E2F6: variants seen among roughly 807,000 people sequenced by gnomAD.
E2F6 encodes E2F transcription factor 6.
E2F6 carries 19 observed loss-of-function variants against 31.5 expected under a neutral mutation model. That is an observed-to-expected ratio of 0.60 (90% CI 0.42 to 0.89). The LOEUF is 0.89. Ranked by LOEUF, E2F6 falls within the 40% of genes least tolerant of loss-of-function variation. The pLI is 0.00. For synonymous variants in E2F6, 121 were observed against 127.7 expected (o/e 0.95, Z 0.36); for missense variants, 269 against 341.6 (o/e 0.79, Z 1.67).
chr2:11,457,287 C>T, intron 1 of E2F6, 54 bp from the exon 2 acceptor site: 1 of 1,100,494 alleles, frequency 9.1e-7, no homozygotes, highest in Admixed American at 1.8e-5. Flanking sequence ...ACAATGCAAA[C>T]AAATAGCATT....
At chr2:11,451,133 G>T (rs768897803) in intron 4 of E2F6, 1 of 152,132 alleles carries the variant, frequency 6.6e-6, no homozygotes, top group Non-Finnish European at 1.5e-5. Flanking sequence ...GGAAAAACAT[G>T]AACTTCACAA....
chr2:11,457,736 GATCT>G (rs1237984389), intron 1 of E2F6, among the ~76,000 whole-genome samples: 1 of 152,188 alleles, frequency 6.6e-6, no homozygotes, highest in Non-Finnish European at 1.5e-5. Flanking sequence ...AGAGATAGAA[GATCT>G]ATCTCAACCA....
At chr2:11,463,929 AC>A (rs1330638299) in intron 1 of E2F6, among the ~76,000 whole-genome samples, 1 of 123,586 alleles carries the variant, frequency 8.1e-6, no homozygotes, top group Admixed American at 1.0e-4. Context: ...AGCCAGGGTG[AC>A]AGAGTGAGAT....
rs1219923036 is a variant in E2F6, at chr2:11,445,318, C to T, written c.*1159G>A. 1 of 152,604 alleles carries T rather than the reference C, an allele frequency of 6.6e-6. No homozygotes were observed. The highest frequency in any genetic ancestry group is 1.5e-5 in the Non-Finnish European group (1 of 68,050). 9.5% of individuals were successfully genotyped at this position (152,604 alleles called of 1,614,324 possible). On this transcript the variant is annotated 3_prime_UTR_variant, in exon 7 of 7. Transcript: ENST00000381525. ...CTTATTTGTTCAGACATTTATTGAG[C>T]ACTTCTTAAGGGCCAGGCATGGTGT...
At chr2:11,446,604 A>T (rs1054503122) in intron 6 of E2F6, 81 bp from the exon 7 acceptor site, 7 of 1,165,584 alleles carry the variant, frequency 6.0e-6, no homozygotes, top group African/African-American at 1.5e-5. Context: ...GTAAAAGAAT[A>T]CACAATCTGA....
chr2:11,446,111 A>T lies in E2F6; in HGVS notation c.*366T>A, dbSNP rs1160063796. ...TGCAAACATGAACCAGTGTAAGGCAATTTCTTTTGTGATATATGACATACT... is the reference window on the plus strand; with the variant it reads ...TGCAAACATGAACCAGTGTAAGGCATTTTCTTTTGTGATATATGACATACT... On this transcript the variant is annotated 3_prime_UTR_variant, in exon 7 of 7. Transcript: ENST00000381525. 1 of 230,726 alleles carries T rather than the reference A, an allele frequency of 4.3e-6. No homozygotes were observed. Among genetic ancestry groups the T allele is most frequent in the Non-Finnish European group, 8.5e-6 (1 of 117,902 alleles). The allele number at this position is 230,726 out of a possible 1,614,324, so 14.3% of individuals were successfully genotyped here. A position where few individuals can be genotyped will look rare whatever the true frequency, so the allele number is the denominator to read the frequency against.
intron 1 of E2F6, among the ~76,000 whole-genome samples, chr2:11,458,925 C>A (rs1185005886): frequency 6.6e-6 from 1 of 152,150 alleles, no homozygotes; most frequent in Non-Finnish European, 1.5e-5. Context: ...CTCTCTCAAA[C>A]AGTGCTGACA....
intron 2 of E2F6, among the ~76,000 whole-genome samples, chr2:11,454,142 C>A (rs1558456218): frequency 2.0e-5 from 3 of 152,194 alleles, no homozygotes; most frequent in African/African-American, 7.2e-5. Flanking sequence ...TAGAATTACA[C>A]ATGATTTTTA....
intron 3 of E2F6, 28 bp from the exon 4 acceptor site, chr2:11,451,834 A>C (rs1671088744): frequency 6.3e-7 from 1 of 1,592,546 alleles, no homozygotes; most frequent in South Asian, 1.1e-5. Context: ...TGTCAGCATC[A>C]ATACCAACTA....
In E2F6 at chr2:11,444,465, A is replaced by G. The variant is rs1048379603; in HGVS notation, c.*2012T>C. The G allele has an allele frequency of 6.6e-6, 1 of 152,216 alleles. No homozygotes were observed. The highest frequency in any genetic ancestry group is 2.4e-5 in the African/African-American group (1 of 41,444). 9.4% of individuals were successfully genotyped at this position (152,216 alleles called of 1,614,324 possible). A position where few individuals can be genotyped will look rare whatever the true frequency, so the allele number is the denominator to read the frequency against. ...CATGATCTCATTTTACCTTCAGAACAATTTGTAAAGGAGAACATTTGCCAC... is the reference window on the plus strand; with the variant it reads ...CATGATCTCATTTTACCTTCAGAACGATTTGTAAAGGAGAACATTTGCCAC... On this transcript the variant is annotated 3_prime_UTR_variant, in exon 7 of 7. Transcript: ENST00000381525.
chr2:11,451,669 T>C lies in E2F6; in HGVS notation c.518A>G (p.Asp173Gly). The C allele has an allele frequency of 6.2e-7, 1 of 1,610,572 alleles. No individual in the cohort carries two copies. The highest frequency in any genetic ancestry group is 8.5e-7 in the Non-Finnish European group (1 of 1,178,386). The change falls in exon 4 of 7, where the codon GAT becomes GGT. Residue 173 changes from aspartate to glycine, a missense_variant. Transcript: ENST00000381525. ...DCAQQLFELT[D>G]DKENERLAYV... is the part of the protein sequence containing the mutation. Reference sequence around the variant, plus strand: ...AGGATATCTTTCATTTTCTTTGTCATCTGTTAACTCAAACAGCTGCTGAGC... The same window carrying C: ...AGGATATCTTTCATTTTCTTTGTCACCTGTTAACTCAAACAGCTGCTGAGC...
At chr2:11,446,626 A>C in intron 6 of E2F6, 103 bp from the exon 7 acceptor site, 5 of 935,260 alleles carry the variant, frequency 5.3e-6, no homozygotes, top group Non-Finnish European at 8.4e-6. Flanking sequence ...TACTTCAGAA[A>C]ACCCTGAAGA....
At chr2:11,463,690 G>A (rs985209792) in intron 1 of E2F6, among the ~76,000 whole-genome samples, 1 of 152,162 alleles carries the variant, frequency 6.6e-6, no homozygotes, top group African/African-American at 2.4e-5. Context: ...AGAGGCTCAC[G>A]CCTGTAATCC....
At chr2:11,457,766 T>C (rs759850573) in intron 1 of E2F6, among the ~76,000 whole-genome samples, 19 of 152,230 alleles carry the variant, frequency 1.2e-4, no homozygotes, top group Non-Finnish European at 2.2e-4. Context: ...TGCTCACTCC[T>C]TGCTATTATT....
chr2:11,462,975 AAGG>A (rs1422434099), intron 1 of E2F6, among the ~76,000 whole-genome samples: 1 of 152,198 alleles, frequency 6.6e-6, no homozygotes, highest in East Asian at 1.9e-4. Flanking sequence ...GAAAACCCTG[AAGG>A]AGATTTATAG....
chr2:11,447,747 T>G lies in E2F6; in HGVS notation c.679A>C (p.Thr227Pro), dbSNP rs1670811527. Reference protein sequence around the residue: ...EDSITVHIRSTNGPIDVYLCE... With the variant: ...EDSITVHIRSPNGPIDVYLCE... ...AAATAGACATCGATAGGTCCGTTGG[T>G]GCTCCTTATGTGCACTGTGATAGAG... The change falls in exon 6 of 7, where the codon ACC becomes CCC. Residue 227 changes from threonine (T) to proline (P), a missense_variant. By Grantham distance (38) the Thr-to-Pro change is conservative (BLOSUM62 -1). Transcript: ENST00000381525. 1 of 1,612,172 alleles carries G rather than the reference T, an allele frequency of 6.2e-7. No individual in the cohort carries two copies.
At chr2:11,465,216 A>G (rs1672082769) in intron 1 of E2F6, among the ~76,000 whole-genome samples, 1 of 151,928 alleles carries the variant, frequency 6.6e-6, no homozygotes, top group Admixed American at 6.6e-5. Context: ...GAAAGAAAAG[A>G]AAAAGAAAAT....
At chr2:11,459,004 A>G (rs1440785338) in intron 1 of E2F6, among the ~76,000 whole-genome samples, 1 of 152,138 alleles carries the variant, frequency 6.6e-6, no homozygotes, top group East Asian at 1.9e-4. Flanking sequence ...CAGACATTAG[A>G]CAAGTGTGAC....
At chr2:11,465,300 G>A (rs1183862032) in intron 1 of E2F6, among the ~76,000 whole-genome samples, 1 of 152,080 alleles carries the variant, frequency 6.6e-6, no homozygotes, top group East Asian at 1.9e-4. Flanking sequence ...ATCAGCCTTT[G>A]CAGGAAAGGG....
Sources: gnomAD v4.1 joint callset for allele counts (sites outside exome capture counted in the v4.1 genomes callset) on GRCh38, gnomAD v4.1.1 for gene constraint, MANE v1.5 for transcripts, NCBI Gene and HGNC (gene_info 2026-07-23, HGNC 2026-07-21) for gene names.